The following KSR1 variants were observed in gnomAD, a reference collection of about 807,000 sequenced individuals.
KSR1 encodes kinase suppressor of ras.
KSR1 carries 35 observed loss-of-function variants against 92.9 expected under a neutral mutation model. The observed-to-expected ratio is 0.38, with a 90% CI of 0.29 to 0.50. The LOEUF is 0.50. Ranked by LOEUF, KSR1 falls within the 20% of genes least tolerant of loss-of-function variation. The probability of loss-of-function intolerance (pLI) is 0.94; values close to 1 mark genes in which losing one functional copy is unlikely to be tolerated. For synonymous variants in KSR1, 467 were observed against 472.6 expected, an observed-to-expected ratio of 0.99 and a Z score of 0.15; for missense variants, 972 against 1,158.5, an observed-to-expected ratio of 0.84 and a Z score of 2.34.
Position 27,492,146 on chromosome 17 carries a change from AGT to A in KSR1, c.231+35279_231+35280del, listed in dbSNP as rs560723259. On this transcript the variant is annotated intron_variant, in intron 1 of 20. Transcript: ENST00000644974. ...GTGGGAGGAGGGAGGAGACGAGGAG[AGT>A]GTGTGTAGCAGATACGAGTGGGTGG... 3.6e-4 allele frequency among the ~76,000 whole-genome samples: 54 copies of A among 152,092 alleles called. 1 individual carries two copies. The highest frequency in any genetic ancestry group is 3.1e-3 in the Admixed American group (48 of 15,274).
rs562674369 is a variant in KSR1, at chr17:27,462,918, G to A, written c.231+6044G>A. Among the ~76,000 whole-genome samples, 233 of 152,298 alleles carry A rather than the reference G, an allele frequency of 1.5e-3. 2 individuals carry two copies. The highest frequency in any genetic ancestry group is 5.3e-3 in the African/African-American group (222 of 41,550). ...TGTCTGTATCAGCACATATACATATGCATCAGCACTATTAGTGGCTGCATT... is the reference window on the plus strand; with the variant it reads ...TGTCTGTATCAGCACATATACATATACATCAGCACTATTAGTGGCTGCATT... On this transcript the variant is annotated intron_variant, in intron 1 of 20. Coordinates refer to ENST00000644974, the MANE Select transcript of KSR1 (RefSeq NM_001394583.1).
intron 1 of KSR1, among the ~76,000 whole-genome samples, chr17:27,525,430 T>C (rs2070220483): frequency 6.6e-6 from 1 of 152,220 alleles, no homozygotes; most frequent in African/African-American, 2.4e-5. Context: ...TGTGCATCAG[T>C]TTCGTTGGAG....
Position 27,625,822 on chromosome 17 carries a change from A to G in KSR1, c.*2430A>G, listed in dbSNP as rs1435544250. 6.6e-6 allele frequency: 1 copy of G among 152,234 alleles called. No homozygotes were observed. The highest frequency in any genetic ancestry group is 2.4e-5 in the African/African-American group (1 of 41,442). The allele number at this position is 152,234 out of a possible 1,614,324, so 9.4% of individuals were successfully genotyped here. A position where few individuals can be genotyped will look rare whatever the true frequency, so the allele number is the denominator to read the frequency against. ...GCGGAAGTCCCCACGGGGGTCTGAG[A>G]GTGGAGCCCAAGCTTTGGCCCTCCA... On this transcript the variant is annotated 3_prime_UTR_variant, in exon 21 of 21. Coordinates refer to ENST00000644974, the MANE Select transcript of KSR1 (RefSeq NM_001394583.1).
At chr17:27,566,268 C>T in intron 2 of KSR1, 1 of 387,516 alleles carries the variant, frequency 2.6e-6, no homozygotes, top group Non-Finnish European at 4.6e-6. Context: ...GCCTGCACAT[C>T]TCCCACCCAG....
chr17:27,479,515 G>A (rs2068450728), intron 1 of KSR1, among the ~76,000 whole-genome samples: 1 of 152,062 alleles, frequency 6.6e-6, no homozygotes, highest in African/African-American at 2.4e-5. Context: ...GGAGGAAGGT[G>A]CCGCTCCTAG....
rs2019166464 is a variant in KSR1 at position 27,456,539 on chromosome 17, G to C, written c.-105G>C. ...CTACCGGCGTCCCGGCTCGGGCAGC[G>C]CCGAGGGGCGCTCCTGGTCCAGCTC... On this transcript the variant is annotated 5_prime_UTR_variant, in exon 1 of 21. Coordinates refer to ENST00000644974, the MANE Select transcript of KSR1 (RefSeq NM_001394583.1). 5 of 416,996 alleles carry C rather than the reference G, an allele frequency of 1.2e-5. No individual in the cohort carries two copies. Among genetic ancestry groups the C allele is most frequent in the Non-Finnish European group, 2.1e-5 (5 of 240,482 alleles). The allele number at this position is 416,996 out of a possible 1,614,324, so 25.8% of individuals were successfully genotyped here. A position where few individuals can be genotyped will look rare whatever the true frequency, so the allele number is the denominator to read the frequency against.
chr17:27,605,520 G>T lies in KSR1; in HGVS notation c.1701G>T (p.Arg567=), dbSNP rs1411188369. ...TGCCGAGCTCTCGCCGGCCCTGGCG[G>T]GGCCCCATCTCTCGCAAGGCCAGCC... The part of the protein sequence containing the change: ...DDLPSSRRPW[R]GPISRKASQT... Residue 567 remains arginine, a synonymous_variant, in exon 14 of 21, where the codon CGG becomes CGT. Transcript: ENST00000644974. The T allele has an allele frequency of 1.9e-6, 3 of 1,599,498 alleles. No individual in the cohort carries two copies. Among genetic ancestry groups the T allele is most frequent in the Non-Finnish European group, 1.7e-6 (2 of 1,173,960 alleles).
chr17:27,546,616 T>C (rs2071182311), intron 1 of KSR1, among the ~76,000 whole-genome samples: 2 of 151,914 alleles, frequency 1.3e-5, no homozygotes, highest in African/African-American at 4.8e-5. Context: ...CCAGCAGGTA[T>C]TGGAGGAATA....
Position 27,470,522 on chromosome 17 carries a change from G to A in KSR1, c.231+13648G>A, listed in dbSNP as rs964234382. ...CCCAAAGTGCTGGGATTACAGGTGT[G>A]AGCCACTGCGCCAGGCCTAAGTTTT... On this transcript the variant is annotated intron_variant, in intron 1 of 20. Transcript: ENST00000644974. Among the ~76,000 whole-genome samples, 5 of 152,184 alleles carry A rather than the reference G, an allele frequency of 3.3e-5. No homozygotes were observed. The South Asian group carries it at 1.0e-3, about 32-fold the overall frequency.
chr17:27,508,919 T>G (rs1393991406), intron 1 of KSR1, among the ~76,000 whole-genome samples: 1 of 151,848 alleles, frequency 6.6e-6, no homozygotes, highest in Admixed American at 6.6e-5. Context: ...TTAGTAGAGA[T>G]AGGGTTTCAC....
chr17:27,481,530 G>A (rs2068509284), intron 1 of KSR1, among the ~76,000 whole-genome samples: 1 of 152,206 alleles, frequency 6.6e-6, no homozygotes, highest in African/African-American at 2.4e-5. Context: ...TCAATCACGA[G>A]TCAGCCTCAT....
At chr17:27,510,764 A>C (rs1374164558) in intron 1 of KSR1, among the ~76,000 whole-genome samples, 2 of 152,330 alleles carry the variant, frequency 1.3e-5, no homozygotes, top group Non-Finnish European at 2.9e-5. Context: ...AAGAATGCTT[A>C]TCTAATGTCT....
At chr17:27,460,528 A>G (rs1159690196) in intron 1 of KSR1, among the ~76,000 whole-genome samples, 1 of 152,184 alleles carries the variant, frequency 6.6e-6, no homozygotes, top group Non-Finnish European at 1.5e-5. Flanking sequence ...TGGTAGGTGC[A>G]GAGTCAGGCT....
intron 2 of KSR1, among the ~76,000 whole-genome samples, chr17:27,558,790 G>A (rs2071710661): frequency 6.6e-6 from 1 of 151,014 alleles, no homozygotes; most frequent in East Asian, 1.9e-4. Flanking sequence ...AAGGACCCCC[G>A]CATCTTTGCA....
In KSR1 at chr17:27,494,901, C is replaced by T. The variant is rs1456591488; in HGVS notation, c.231+38027C>T. Among the ~76,000 whole-genome samples the T allele has an allele frequency of 4.6e-5, 7 of 152,222 alleles. No homozygotes were observed. In the East Asian group the frequency reaches 1.3e-3, roughly 29 times the overall value. On this transcript the variant is annotated intron_variant, in intron 1 of 20. Coordinates refer to ENST00000644974, the MANE Select transcript of KSR1 (RefSeq NM_001394583.1). ...GGCTCCCTGTGCCTGGGAGGCGGCC[C>T]TGTCAGTGTCCCTGGGCTCAGCCCA...
In KSR1 at chr17:27,596,782, A is replaced by G. The variant is rs9902634; in HGVS notation, c.1300-486A>G. On this transcript the variant is annotated intron_variant, in intron 9 of 20. Coordinates refer to ENST00000644974, the MANE Select transcript of KSR1 (RefSeq NM_001394583.1). ...CCTGGTGCCTAGCAGACATGATATA[A>G]CATTTATCAGAGCCTGAACTTAATT... is the stretch of plus-strand genomic sequence containing the variant. 3.7e-3 allele frequency among the ~76,000 whole-genome samples: 558 copies of G among 152,310 alleles called. 3 individuals are homozygous for G. The highest frequency in any genetic ancestry group is 0.013 in the African/African-American group (521 of 41,562).
intron 2 of KSR1, chr17:27,558,336 T>TA (rs1353365639): frequency 1.3e-5 from 2 of 152,038 alleles, no homozygotes; most frequent in Non-Finnish European, 2.9e-5. Flanking sequence ...TTTGCAGTCT[T>TA]AACGTCATCT....
chr17:27,503,818 C>G (rs564271264), intron 1 of KSR1, among the ~76,000 whole-genome samples: 2 of 152,294 alleles, frequency 1.3e-5, no homozygotes, highest in South Asian at 4.1e-4. Context: ...CGCCGTCAGC[C>G]TAGTCCTGGT....
Position 27,577,321 on chromosome 17 carries a change from T to G in KSR1, c.373-171T>G. 1.8e-6 allele frequency: 1 copy of G among 562,648 alleles called. No homozygotes were observed. 34.9% of individuals were successfully genotyped at this position (562,648 alleles called of 1,614,324 possible). A position where few individuals can be genotyped will look rare whatever the true frequency, so the allele number is the denominator to read the frequency against. On this transcript the variant is annotated intron_variant, in intron 2 of 20. Coordinates refer to ENST00000644974, the MANE Select transcript of KSR1 (RefSeq NM_001394583.1). The surrounding 1 kb of genome is among the most constrained non-coding windows in gnomAD (Gnocchi z 4.5). ...CTGCTGTCTCTGGGAGCCTGGAGGG[T>G]GGGGGCCAGGGAGCTCTGCTTGTGT...
Sources: gnomAD v4.1 joint callset for allele counts (sites outside exome capture counted in the v4.1 genomes callset) on GRCh38, gnomAD v4.1.1 for gene constraint, Gnocchi (gnomAD v3.1) non-coding constraint, MANE v1.5 for transcripts, NCBI Gene and HGNC (gene_info 2026-07-23, HGNC 2026-07-21) for gene names.